The following IQSEC1 variants were observed in gnomAD, a reference collection of about 807,000 sequenced individuals.
The protein encoded by IQSEC1 is IQ motif and SEC7 domain-containing protein 1.
In IQSEC1, 31 loss-of-function variants were observed where a neutral mutation model predicts 91.0. The observed-to-expected ratio is 0.34, with a 90% CI of 0.26 to 0.46. IQSEC1 has a LOEUF of 0.46. Ranked by LOEUF, IQSEC1 falls within the 20% of genes least tolerant of loss-of-function variation. IQSEC1 has a pLI of 1.00. For missense variants in IQSEC1, 1,388 were observed against 1,575.6 expected (o/e 0.88, Z 2.02); for synonymous variants, 699 against 662.6 (o/e 1.05, Z -0.84).
At chr3:13,191,128 G>A (rs991225099) in intron 1 of IQSEC1, among the ~76,000 whole-genome samples, 3 of 152,206 alleles carry the variant, frequency 2.0e-5, no homozygotes, top group African/African-American at 4.8e-5. Flanking sequence ...ACATTCAGCC[G>A]TGGATCCTCC....
Position 12,900,616 on chromosome 3 carries a change from T to C in IQSEC1, c.*367A>G. ...TTGTCTGTTTTTGTATCTCATTTCT[T>C]CGTTTTCTAGGTTGGGTTTTCATAT... On this transcript the variant is annotated 3_prime_UTR_variant, in exon 14 of 14. Coordinates refer to ENST00000613206, the MANE Select transcript of IQSEC1 (RefSeq NM_001134382.3). 1 of 1,067,014 alleles carries C rather than the reference T, an allele frequency of 9.4e-7. No individual in the cohort carries two copies. 66.1% of individuals were successfully genotyped at this position (1,067,014 alleles called of 1,614,324 possible).
At chr3:13,163,073 A>G (rs1028902687) in intron 2 of IQSEC1, among the ~76,000 whole-genome samples, 4 of 151,296 alleles carry the variant, frequency 2.6e-5, no homozygotes, top group Admixed American at 2.0e-4. Flanking sequence ...CACTCCCTGG[A>G]CTCTGGTTCC....
Position 12,978,180 on chromosome 3 carries a change from TG to T in IQSEC1, c.24-36316del, listed in dbSNP as rs1168701585. 8.5e-5 allele frequency among the ~76,000 whole-genome samples: 13 copies of T among 152,318 alleles called. No homozygotes were observed. In the East Asian group the frequency reaches 2.5e-3, roughly 29 times the overall value. ...GTTTTCTGATTTATCACAGAGGCCT[TG>T]AAGCCTAGAGAAGGTAAGTAATTTG... On this transcript the variant is annotated intron_variant, in intron 1 of 13. Coordinates refer to ENST00000613206, the MANE Select transcript of IQSEC1 (RefSeq NM_001134382.3).
chr3:13,132,842 G>T (rs1352113829), intron 2 of IQSEC1, among the ~76,000 whole-genome samples: 1 of 152,188 alleles, frequency 6.6e-6, no homozygotes, highest in Admixed American at 6.5e-5. Context: ...GGCATCCTGA[G>T]CTCAATCCCA....
In IQSEC1 at chr3:13,193,545, G is replaced by T. The variant is rs1032489140; in HGVS notation, c.273-29412C>A. Reference sequence around the variant, plus strand: ...ACGAAGAGGAGTGCCAGCCCAGGCCGCCAGGGTGACAGGAAGAAAGGGAGG... The same window carrying T: ...ACGAAGAGGAGTGCCAGCCCAGGCCTCCAGGGTGACAGGAAGAAAGGGAGG... On this transcript the variant is annotated intron_variant, in intron 1 of 15. Coordinates refer to the IQSEC1 transcript ENST00000648114. This position sits in a 1 kb window ranked among gnomAD's most constrained non-coding sequence, Gnocchi z 4.2. 3.3e-5 allele frequency among the ~76,000 whole-genome samples: 5 copies of T among 152,130 alleles called. No individual in the cohort carries two copies. The highest frequency in any genetic ancestry group is 7.4e-5 in the Non-Finnish European group (5 of 68,020).
At position 12,994,930 on chromosome 3, in the gene IQSEC1, G is replaced by C. The variant is rs1355664393; in HGVS notation, c.24-53065C>G. On this transcript the variant is annotated intron_variant, in intron 1 of 13. Coordinates refer to ENST00000613206, the MANE Select transcript of IQSEC1 (RefSeq NM_001134382.3). The surrounding 1 kb of genome is among the most constrained non-coding windows in gnomAD (Gnocchi z 4.5). ...GGCGCAGATAGCAGAGGCTGGGCCT[G>C]GAAGGGATATGGGCGGGAGCGCGCC... 1.3e-5 allele frequency: 2 copies of C among 153,020 alleles called. No individual in the cohort carries two copies. Among genetic ancestry groups the C allele is most frequent in the Non-Finnish European group, 2.9e-5 (2 of 68,550 alleles). 9.5% of individuals were successfully genotyped at this position (153,020 alleles called of 1,614,324 possible).
In IQSEC1 at chr3:13,282,794, C is replaced by G. The variant is rs1360219263; in HGVS notation, c.189G>C (p.Ala63=). 2.7e-5 allele frequency among the ~76,000 whole-genome samples: 4 copies of G among 147,792 alleles called. No individual in the cohort carries two copies. The highest frequency in any genetic ancestry group is 2.7e-4 in the Admixed American group (4 of 14,918). Residue 63 remains alanine (A), a synonymous_variant, in exon 1 of 16, where the codon GCG becomes GCC. Transcript: ENST00000648114. This position sits in a 1 kb window ranked among gnomAD's most constrained non-coding sequence, Gnocchi z 6.4. ...GGCCCGGGTCGGGGCGGCGGGCGCA[C>G]GCGGCCAGGTGTCGCCGGTGTCGCT... is the stretch of plus-strand genomic sequence containing the variant.
intron 2 of IQSEC1, among the ~76,000 whole-genome samples, chr3:13,100,801 C>T (rs1706044346): frequency 6.7e-6 from 1 of 148,994 alleles, no homozygotes. Context: ...GTAGGAAAGA[C>T]AGCTTCTGCT....
At chr3:13,213,370 A>C (rs1417274156) in intron 1 of IQSEC1, among the ~76,000 whole-genome samples, 1 of 152,182 alleles carries the variant, frequency 6.6e-6, no homozygotes, top group African/African-American at 2.4e-5. Flanking sequence ...TATTCCATCC[A>C]TCTAGATGTC....
At chr3:12,902,915 C>T in intron 12 of IQSEC1, 93 bp from the exon 13 acceptor site, 1 of 970,124 alleles carries the variant, frequency 1.0e-6, no homozygotes, top group Non-Finnish European at 1.7e-6. Context: ...GGAGCCTGCA[C>T]CCCTGCTGGG....
intron 2 of IQSEC1, among the ~76,000 whole-genome samples, chr3:13,095,044 G>A (rs1368795071): frequency 7.9e-5 from 12 of 151,954 alleles, no homozygotes; most frequent in Non-Finnish European, 1.6e-4. Context: ...CTATTGCACC[G>A]AGAGCCCCCC....
At chr3:13,026,870 TTTTTTTTTGTTTG>T (rs1300291146) in intron 1 of IQSEC1, among the ~76,000 whole-genome samples, 24 of 50,560 alleles carry the variant, frequency 4.7e-4, no homozygotes, top group African/African-American at 7.1e-4. Flanking sequence ...CCCAGTTTTT[TTTTTTTTTGTTTG>T]TTTTTTTTTT....
Position 12,935,963 on chromosome 3 carries a change from C to T in IQSEC1, c.1053G>A (p.Leu351=), listed in dbSNP as rs1575967789. ...TDTSCRSTPS[L]ERQEQRLRVE... ...CCCGCAGCCGCTGCTCCTGCCGCTCCAGCGACGGCGTGCTCCGGCAGCTCG... is the reference window on the plus strand; with the variant it reads ...CCCGCAGCCGCTGCTCCTGCCGCTCTAGCGACGGCGTGCTCCGGCAGCTCG... Residue 351 remains leucine (L), a synonymous_variant, in exon 3 of 14, where the codon CTG becomes CTA. Transcript: ENST00000613206. This position sits in a 1 kb window ranked among gnomAD's most constrained non-coding sequence, Gnocchi z 8.0. The T allele has an allele frequency of 6.3e-7, 1 of 1,599,156 alleles. No individual in the cohort carries two copies. The highest frequency in any genetic ancestry group is 1.7e-5 in the Admixed American group (1 of 59,972).
chr3:12,945,751 C>T (rs919958705), intron 1 of IQSEC1, among the ~76,000 whole-genome samples: 4 of 152,134 alleles, frequency 2.6e-5, no homozygotes, highest in Non-Finnish European at 5.9e-5. Context: ...CAGTATTAGA[C>T]CCTAAAAAAG....
intron 1 of IQSEC1, among the ~76,000 whole-genome samples, chr3:13,191,477 A>ATTTTTTTTTTTTTTTTTTT (rs57912681): frequency 6.5e-5 from 6 of 92,102 alleles, no homozygotes; most frequent in Admixed American, 1.4e-4. Context: ...CACCCAGCTA[A>ATTTTTTTTTTTTTTTTTTT]TTTTTTTTTT....
intron 2 of IQSEC1, among the ~76,000 whole-genome samples, chr3:13,109,501 A>C (rs2124857490): frequency 6.6e-6 from 1 of 152,164 alleles, no homozygotes; most frequent in Admixed American, 6.5e-5. Flanking sequence ...CCCAAATCTC[A>C]TGTTGAAATG....
At chr3:13,232,028 G>A (rs150695857) in intron 1 of IQSEC1, among the ~76,000 whole-genome samples, 223 of 152,340 alleles carry the variant, frequency 1.5e-3, no homozygotes, top group Middle Eastern at 6.8e-3. Context: ...GTGCACTGAC[G>A]TGTTGAAACC....
chr3:12,926,626 C>A (rs1004868952), intron 3 of IQSEC1, among the ~76,000 whole-genome samples: 1 of 152,210 alleles, frequency 6.6e-6, no homozygotes, highest in Non-Finnish European at 1.5e-5. Context: ...GCCAGGTCAT[C>A]CACTAATTAG....
At chr3:12,968,703 C>G (rs1700755949) in intron 1 of IQSEC1, among the ~76,000 whole-genome samples, 1 of 152,224 alleles carries the variant, frequency 6.6e-6, no homozygotes, top group Non-Finnish European at 1.5e-5. Flanking sequence ...CTGTGGAATG[C>G]CTAGACGTGG....
Sources: gnomAD v4.1 joint callset for allele counts (sites outside exome capture counted in the v4.1 genomes callset) on GRCh38, gnomAD v4.1.1 for gene constraint, Gnocchi (gnomAD v3.1) non-coding constraint, MANE v1.5 for transcripts, NCBI Gene and HGNC (gene_info 2026-07-23, HGNC 2026-07-21) for gene names.